Variants in SUCLG2 observed in about 807,000 individuals in gnomAD.
SUCLG2 encodes the protein succinate-CoA ligase GDP-forming subunit beta, also known as succinate--CoA ligase [GDP-forming] subunit beta, mitochondrial.
A neutral mutation model predicts 47.9 loss-of-function variants in SUCLG2; 42 were observed. The ratio of observed to expected loss-of-function variants is 0.88; its 90% confidence interval spans 0.69 to 1.14. The LOEUF is 1.14. SUCLG2 is among the 50% of genes most tolerant of loss of function. The pLI, the probability that SUCLG2 is intolerant of heterozygous loss-of-function variation, is 0.00. For missense variants in SUCLG2, 571 were observed against 525.9 expected (o/e 1.09, Z -0.84); for synonymous variants, 195 against 197.3 (o/e 0.99, Z 0.10).
intron 2 of SUCLG2, among the ~76,000 whole-genome samples, chr3:67,586,043 T>A (rs1003506960): frequency 6.6e-6 from 1 of 151,734 alleles, no homozygotes; most frequent in Non-Finnish European, 1.5e-5. Flanking sequence ...CTGATAGATT[T>A]TCCTCCACAT....
chr3:67,553,563 T>C (rs1043489008), intron 2 of SUCLG2, among the ~76,000 whole-genome samples: 2 of 152,210 alleles, frequency 1.3e-5, no homozygotes, highest in Non-Finnish European at 2.9e-5. Context: ...TTTAATTTAA[T>C]TTTTAATTTT....
Position 67,605,037 on chromosome 3 carries a change from C to G in SUCLG2, c.226+4418G>C, listed in dbSNP as rs572260050. ...TAGAATCACAACAGTAGTGAACCTC[C>G]TGGAATTTGCTGCCACTGACAACAA... On this transcript the variant is annotated intron_variant, in intron 2 of 10. Transcript: ENST00000307227. Among the ~76,000 whole-genome samples, 4 of 152,224 alleles carry G rather than the reference C, an allele frequency of 2.6e-5. No individual in the cohort carries two copies. In the South Asian group the frequency reaches 8.3e-4, roughly 32 times the overall value.
chr3:67,603,219 G>A (rs915981857), intron 2 of SUCLG2, among the ~76,000 whole-genome samples: 12 of 152,144 alleles, frequency 7.9e-5, no homozygotes, highest in East Asian at 1.9e-4. Context: ...AAAAATGACC[G>A]TCATCTCAAT....
intron 9 of SUCLG2, among the ~76,000 whole-genome samples, chr3:67,423,945 T>C (rs1031976875): frequency 6.6e-6 from 1 of 152,196 alleles, no homozygotes; most frequent in African/African-American, 2.4e-5. Flanking sequence ...ACCACTTCCC[T>C]TCCTCTTGTT....
chr3:67,508,713 G>A (rs564083995), intron 7 of SUCLG2, 94 bp downstream of exon 7: 2 of 921,146 alleles, frequency 2.2e-6, no homozygotes, highest in East Asian at 5.5e-5. Context: ...AGAAATTTAT[G>A]CAAAGCTGCT....
At position 67,577,123 on chromosome 3, in the gene SUCLG2, A is replaced by G. The variant is rs559168925; in HGVS notation, c.226+32332T>C. On this transcript the variant is annotated intron_variant, in intron 2 of 10. Transcript: ENST00000307227. ...GCTGAGGTGAGCAGATCACTGGCCA[A>G]CATGGCAAAATCTCATCTCTACTAA... 2.0e-5 allele frequency among the ~76,000 whole-genome samples: 3 copies of G among 152,276 alleles called. No individual in the cohort carries two copies. In the East Asian group the frequency reaches 5.8e-4, roughly 29 times the overall value.
intron 2 of SUCLG2, among the ~76,000 whole-genome samples, chr3:67,608,826 C>T (rs1277253283): frequency 6.6e-6 from 1 of 151,994 alleles, no homozygotes; most frequent in African/African-American, 2.4e-5. Flanking sequence ...TACAGGCATA[C>T]ACCACCATAC....
At position 67,572,320 on chromosome 3, in the gene SUCLG2, G is replaced by A. The variant is rs532240387; in HGVS notation, c.226+37135C>T. Among the ~76,000 whole-genome samples the A allele has an allele frequency of 2.6e-5, 4 of 151,942 alleles. No individual in the cohort carries two copies. The South Asian group carries it at 8.3e-4, about 32-fold the overall frequency. ...CTGTATATGTTAATTCATCATTCTT[G>A]GATAAATGTAAGAAAAGAGATACAG... On this transcript the variant is annotated intron_variant, in intron 2 of 10. Coordinates refer to ENST00000307227, the MANE Select transcript of SUCLG2 (RefSeq NM_003848.4).
At chr3:67,370,376 A>AT (rs1203764446), downstream of SUCLG2, among the ~76,000 whole-genome samples, 1 of 152,278 alleles carries the variant, frequency 6.6e-6, no homozygotes, top group South Asian at 2.1e-4. Context: ...AAAATAATAG[A>AT]TTTTTTATTG....
At chr3:67,597,748 G>A (rs1380301767) in intron 2 of SUCLG2, among the ~76,000 whole-genome samples, 1 of 151,974 alleles carries the variant, frequency 6.6e-6, no homozygotes, top group Non-Finnish European at 1.5e-5. Context: ...GACCAGCCTG[G>A]CCAATATGGT....
chr3:67,565,151 G>C (rs1028155768), intron 2 of SUCLG2, among the ~76,000 whole-genome samples: 3 of 152,164 alleles, frequency 2.0e-5, no homozygotes, highest in Non-Finnish European at 2.9e-5. Flanking sequence ...ACTGCACTAG[G>C]TGCTGAGTAT....
intron 7 of SUCLG2, among the ~76,000 whole-genome samples, chr3:67,503,769 T>A (rs4521242): frequency 0.67 from 101,817 of 152,080 alleles, 34,611 homozygotes; most frequent in Middle Eastern, 0.76. Flanking sequence ...TATACAAATG[T>A]ATTTTCCTTC....
chr3:67,592,733 AAAACAAC>A (rs1219962827), intron 2 of SUCLG2, among the ~76,000 whole-genome samples: 2,217 of 124,520 alleles, frequency 0.018, 92 homozygotes, highest in African/African-American at 0.049. Context: ...AAAAAAAAAA[AAAACAAC>A]AAAAAAAAAC....
chr3:67,477,755 C>T (rs1206484641), intron 9 of SUCLG2, among the ~76,000 whole-genome samples: 1 of 152,126 alleles, frequency 6.6e-6, no homozygotes, highest in Admixed American at 6.5e-5. Context: ...ACACTGTATG[C>T]TCCATACAAT....
downstream of SUCLG2, among the ~76,000 whole-genome samples, chr3:67,374,235 A>G (rs1701991502): frequency 6.6e-6 from 1 of 152,242 alleles, no homozygotes; most frequent in African/African-American, 2.4e-5. Context: ...AGACTGATCT[A>G]TCCAATAGTT....
intron 3 of SUCLG2, among the ~76,000 whole-genome samples, chr3:67,528,563 T>C (rs1023767255): frequency 6.6e-6 from 1 of 152,040 alleles, no homozygotes; most frequent in Non-Finnish European, 1.5e-5. Context: ...TGGGGAGATA[T>C]TGAACAATGA....
chr3:67,450,698 G>A (rs901134689), intron 9 of SUCLG2, among the ~76,000 whole-genome samples: 4 of 152,136 alleles, frequency 2.6e-5, no homozygotes, highest in African/African-American at 9.7e-5. Flanking sequence ...CTACCTAGAG[G>A]GAGTTCTCTC....
chr3:67,498,341 C>A, intron 7 of SUCLG2, 46 bp from the exon 8 acceptor site: 2 of 1,591,852 alleles, frequency 1.3e-6, no homozygotes, highest in Non-Finnish European at 8.6e-7. Flanking sequence ...TCTTGAGGAT[C>A]TATAAATTAA....
chr3:67,387,161 T>C (rs556921370), intron 10 of SUCLG2, among the ~76,000 whole-genome samples: 70 of 152,314 alleles, frequency 4.6e-4, no homozygotes, highest in Non-Finnish European at 9.3e-4. Context: ...TAAAACATAC[T>C]GATGAATTAA....
Sources: allele counts gnomAD v4.1 joint callset (sites outside exome capture counted in the v4.1 genomes callset), GRCh38; gene constraint gnomAD v4.1.1; transcripts MANE v1.5; gene names NCBI Gene and HGNC (gene_info 2026-07-23, HGNC 2026-07-21).